The following MED1 variants were observed in gnomAD, a reference collection of about 807,000 sequenced individuals.
MED1 encodes the protein mediator of RNA polymerase II transcription subunit 1.
MED1 carries 17 observed loss-of-function variants against 121.3 expected under a neutral mutation model. The observed-to-expected ratio is 0.14, with a 90% CI of 0.10 to 0.21. The LOEUF (loss-of-function observed/expected upper bound fraction) is 0.21. Ranked by LOEUF, MED1 falls within the 10% of genes least tolerant of loss-of-function variation. The pLI is 1.00. For missense variants in MED1, 1,558 were observed against 1,919.4 expected, an observed-to-expected ratio of 0.81 and a Z score of 3.52; for synonymous variants, 661 against 694.4, an observed-to-expected ratio of 0.95 and a Z score of 0.76.
At chr17:39,424,606 C>T (rs1371775882) in intron 11 of MED1, 21 bp downstream of exon 11, 1 of 1,505,748 alleles carries the variant, frequency 6.6e-7, no homozygotes, top group East Asian at 2.3e-5. Flanking sequence ...CTTTGCTACT[C>T]TAAAATTATA....
intron 2 of MED1, 93 bp from the exon 3 acceptor site, chr17:39,443,721 G>A: frequency 2.0e-6 from 2 of 1,006,900 alleles, no homozygotes; most frequent in Middle Eastern, 2.1e-4. Context: ...TAATATTGCA[G>A]GACAGTCTAT....
intron 14 of MED1, among the ~76,000 whole-genome samples, chr17:39,415,945 A>C (rs902682849): frequency 2.0e-5 from 3 of 150,744 alleles, no homozygotes; most frequent in African/African-American, 4.9e-5. Flanking sequence ...AGCCGAGATC[A>C]TGTCACTGAA....
intron 9 of MED1, among the ~76,000 whole-genome samples, chr17:39,430,711 CAG>C (rs1194205914): frequency 1.0e-3 from 88 of 87,176 alleles, no homozygotes; most frequent in African/African-American, 2.9e-3. Flanking sequence ...AAAAAAAAAA[CAG>C]AATAAAAATT....
Position 39,406,572 on chromosome 17 carries a change from T to G in MED1, c.*903A>C. On this transcript the variant is annotated 3_prime_UTR_variant, in exon 17 of 17. Transcript: ENST00000300651. ...AAGCCACCTTAGCTTTTTTTTTTTT[T>G]TTTGAAAGGAAAATGAGATTACAAG... 2.0e-6 allele frequency: 2 copies of G among 985,422 alleles called. No individual in the cohort carries two copies. The highest frequency in any genetic ancestry group is 2.4e-6 in the Non-Finnish European group (2 of 829,876). 61.0% of individuals were successfully genotyped at this position (985,422 alleles called of 1,614,324 possible).
At position 39,434,258 on chromosome 17, in the gene MED1, G is replaced by A; in HGVS notation, c.491C>T (p.Pro164Leu). ...TATTAAAAATACTTACTTGTCCCCT[G>A]GAAGGTTATACAGATTAACAAGGCC... ...LKGLVNLYNL[P>L]GDNKLKTKMY... The change falls in exon 7 of 17, where the codon CCA becomes CTA. Residue 164 changes from proline (P) to leucine (L), a missense_variant. Pro to Leu is a moderately conservative substitution (Grantham distance 98). Transcript: ENST00000300651. The A allele has an allele frequency of 6.4e-7, 1 of 1,551,754 alleles. No homozygotes were observed. Among genetic ancestry groups the A allele is most frequent in the Non-Finnish European group, 8.7e-7 (1 of 1,151,376 alleles).
chr17:39,441,703 CGCAGTGGTT>C (rs1453935174), intron 3 of MED1, among the ~76,000 whole-genome samples: 1 of 151,986 alleles, frequency 6.6e-6, no homozygotes, highest in Non-Finnish European at 1.5e-5. Flanking sequence ...CCGGTGGGGG[CGCAGTGGTT>C]GCAGTGAGCA....
In MED1 at chr17:39,405,459, A is replaced by T. The variant is rs907987883; in HGVS notation, c.*2016T>A. ...AGAACAAATTTTAAAAACCACATAA[A>T]TTTTTTTTTTTTTCCTGCAGAAACC... On this transcript the variant is annotated 3_prime_UTR_variant, in exon 17 of 17. Transcript: ENST00000300651. The T allele has an allele frequency of 2.5e-4, 266 of 1,078,002 alleles. No homozygotes were observed. Among genetic ancestry groups the T allele is most frequent in the East Asian group, 5.4e-4 (16 of 29,858 alleles). The allele number at this position is 1,078,002 out of a possible 1,614,324, so 66.8% of individuals were successfully genotyped here.
chr17:39,428,202 T>C (rs1337641059), intron 9 of MED1, among the ~76,000 whole-genome samples: 2 of 151,876 alleles, frequency 1.3e-5, no homozygotes, highest in African/African-American at 4.8e-5. Flanking sequence ...TACAAAAAAT[T>C]GGCCAGGTGC....
Position 39,410,488 on chromosome 17 carries a change from A to G in MED1, c.1733T>C (p.Met578Thr). The change falls in exon 17 of 17, where the codon ATG becomes ACG. Residue 578 changes from methionine (M) to threonine (T), a missense_variant. By Grantham distance (81) the Met-to-Thr change is moderately conservative (BLOSUM62 -1). Coordinates refer to ENST00000300651, the MANE Select transcript of MED1 (RefSeq NM_004774.4). ...PGGPITTLFN[M>T]SMSIKDRHES... Reference sequence around the variant, plus strand: ...ATGCCGATCTTTGATGCTCATGCTCATATTAAACAAGGTGGTAATGGGACC... The same window carrying G: ...ATGCCGATCTTTGATGCTCATGCTCGTATTAAACAAGGTGGTAATGGGACC... 6.2e-7 allele frequency: 1 copy of G among 1,613,996 alleles called. No individual in the cohort carries two copies. Among genetic ancestry groups the G allele is most frequent in the Non-Finnish European group, 8.5e-7 (1 of 1,180,018 alleles).
chr17:39,436,601 C>T (rs568695552), intron 6 of MED1, among the ~76,000 whole-genome samples: 65 of 152,148 alleles, frequency 4.3e-4, no homozygotes, highest in African/African-American at 1.3e-3. Context: ...CTGCTAAAAG[C>T]GACTGTCTTC....
At chr17:39,438,809 C>T (rs2048644745) in intron 6 of MED1, among the ~76,000 whole-genome samples, 1 of 152,092 alleles carries the variant, frequency 6.6e-6, no homozygotes, top group African/African-American at 2.4e-5. Flanking sequence ...ATTAGCTGGG[C>T]ATGGTGGCAC....
chr17:39,421,450 T>G (rs2048464075), intron 13 of MED1, among the ~76,000 whole-genome samples: 1 of 151,404 alleles, frequency 6.6e-6, no homozygotes, highest in African/African-American at 2.4e-5. Flanking sequence ...CTCAGGAGGC[T>G]GAGGCAGGAG....
chr17:39,419,146 A>C (rs1461167447), intron 14 of MED1, among the ~76,000 whole-genome samples: 1 of 151,698 alleles, frequency 6.6e-6, no homozygotes, highest in Non-Finnish European at 1.5e-5. Flanking sequence ...CAGTGGTGCA[A>C]TCTGAGCTCA....
intron 1 of MED1, among the ~76,000 whole-genome samples, chr17:39,449,862 A>C (rs1414659817): frequency 2.7e-5 from 3 of 112,610 alleles, no homozygotes; most frequent in Non-Finnish European, 5.1e-5. Flanking sequence ...TAGCCCAGGT[A>C]GGAATGCAAT....
At chr17:39,438,794 C>T (rs2048644537) in intron 6 of MED1, among the ~76,000 whole-genome samples, 1 of 152,042 alleles carries the variant, frequency 6.6e-6, no homozygotes, top group Non-Finnish European at 1.5e-5. Context: ...ATTAAAAATA[C>T]AAAAATTAGC....
At chr17:39,419,683 T>C in intron 14 of MED1, 34 bp downstream of exon 14, 1 of 1,567,176 alleles carries the variant, frequency 6.4e-7, no homozygotes, top group Non-Finnish European at 8.8e-7. Context: ...TAAGTTTCCA[T>C]CTTCCAGTAA....
chr17:39,409,090 C>T lies in MED1; in HGVS notation c.3131G>A (p.Gly1044Asp). The stretch of plus-strand genomic sequence containing the variant: ...GGGAGTCTGAGATCTTCCTGCACTG[C>T]CTGGCGATTTAGATCCACCTGTACT... ...PTSTGGSKSP[G>D]SAGRSQTPPG... Residue 1044 changes from glycine (G) to aspartate (D), a missense_variant, in exon 17 of 17, where the codon GGC (glycine) becomes GAC (aspartate). Gly to Asp is a moderately conservative substitution (Grantham distance 94). Around this residue, in one of 5 missense-constraint regions of MED1, gnomAD observed 793 missense variants for 898.2 expected, o/e 0.88. Transcript: ENST00000300651. 6.2e-7 allele frequency: 1 copy of T among 1,614,132 alleles called. No homozygotes were observed. The highest frequency in any genetic ancestry group is 8.5e-7 in the Non-Finnish European group (1 of 1,180,020).
At position 39,423,545 on chromosome 17, in the gene MED1, T is replaced by C; in HGVS notation, c.977-100A>G. Reference sequence around the variant, plus strand: ...ACATTCATTCACCCAAAAGAGTACTTACTAAGCATTTACTAGTACAAAGCA... The same window carrying C: ...ACATTCATTCACCCAAAAGAGTACTCACTAAGCATTTACTAGTACAAAGCA... On this transcript the variant is annotated intron_variant, in intron 12 of 16. Coordinates refer to ENST00000300651, the MANE Select transcript of MED1 (RefSeq NM_004774.4). The C allele has an allele frequency of 4.2e-6, 6 of 1,415,782 alleles. No homozygotes were observed. The South Asian group carries it at 7.1e-5, about 17-fold the overall frequency. The allele number at this position is 1,415,782 out of a possible 1,614,324, so 87.7% of individuals were successfully genotyped here.
chr17:39,439,974 GAAAGAAAGAAA>G (rs1360067155), intron 5 of MED1, among the ~76,000 whole-genome samples: 1 of 124,756 alleles, frequency 8.0e-6, no homozygotes, highest in East Asian at 2.2e-4. Flanking sequence ...AGGAAAGAAA[GAAAGAAAGAAA>G]GAAGGAAGGA....
Sources: allele counts gnomAD v4.1 joint callset (sites outside exome capture counted in the v4.1 genomes callset), GRCh38; gene constraint gnomAD v4.1.1; regional missense constraint gnomAD v4.1.1; transcripts MANE v1.5; gene names NCBI Gene and HGNC (gene_info 2026-07-23, HGNC 2026-07-21).